The following TTC21A variants were observed in gnomAD, a reference collection of about 807,000 sequenced individuals.
TTC21A encodes tetratricopeptide repeat protein 21A.
Under a neutral mutation model 156.4 loss-of-function variants are expected in TTC21A, and 128 were observed. That is an observed-to-expected ratio of 0.82 (90% CI 0.71 to 0.95). The LOEUF is 0.95. Among genes scored for constraint, TTC21A ranks in the 40% least tolerant of loss-of-function variants. The pLI is 0.00. For synonymous variants in TTC21A, 587 were observed against 617.1 expected (o/e 0.95, Z 0.72); for missense variants, 1,435 against 1,602.3 (o/e 0.90, Z 1.78).
intron 2 of TTC21A, among the ~76,000 whole-genome samples, chr3:39,109,441 C>T (rs2036606847): frequency 6.6e-6 from 1 of 152,194 alleles, no homozygotes; most frequent in Non-Finnish European, 1.5e-5. Context: ...CTCGGGTTCC[C>T]TCTCTGTAAA....
rs372525739 is a variant in TTC21A at position 39,114,677 on chromosome 3, C to A, written c.651C>A (p.Leu217=). 2 of 1,614,194 alleles carry A rather than the reference C, an allele frequency of 1.2e-6. No homozygotes were observed. The highest frequency in any genetic ancestry group is 1.7e-6 in the Non-Finnish European group (2 of 1,180,046). The change falls in exon 6 of 29, where the codon CTC becomes CTA. Residue 217 remains leucine, a synonymous_variant. Transcript: ENST00000683103. ...CTTCAGGGAGCTTCCTGCCAGCCCTCGTCCTGAAGATGCAGCTGTTCTTAG... is the reference window on the plus strand; with the variant it reads ...CTTCAGGGAGCTTCCTGCCAGCCCTAGTCCTGAAGATGCAGCTGTTCTTAG... The part of the protein sequence containing the change: ...TVTSGSFLPA[L]VLKMQLFLAR...
intron 26 of TTC21A, 105 bp downstream of exon 26, chr3:39,137,815 A>G: frequency 8.0e-7 from 1 of 1,248,780 alleles, no homozygotes; most frequent in Non-Finnish European, 1.1e-6. Flanking sequence ...TGGAATAAGA[A>G]CTAGTCGGGA....
intron 11 of TTC21A, among the ~76,000 whole-genome samples, chr3:39,125,743 A>AG (rs1231300962): frequency 1.3e-5 from 2 of 152,292 alleles, no homozygotes; most frequent in South Asian, 2.1e-4. Context: ...CTGACTCTAC[A>AG]GGGGGGTCTA....
intron 5 of TTC21A, among the ~76,000 whole-genome samples, chr3:39,113,374 G>C (rs369829141): frequency 6.6e-6 from 1 of 152,176 alleles, no homozygotes; most frequent in East Asian, 1.9e-4. Flanking sequence ...AAGAGAAGGC[G>C]GGCTGTGAAT....
intron 9 of TTC21A, among the ~76,000 whole-genome samples, chr3:39,123,691 G>C (rs917267515): frequency 6.6e-6 from 1 of 151,758 alleles, no homozygotes; most frequent in Non-Finnish European, 1.5e-5. Context: ...AAAAAAAATA[G>C]AAGCTGCAAA....
At chr3:39,136,295 C>A in intron 22 of TTC21A, 62 bp from the exon 23 acceptor site, 1 of 1,554,240 alleles carries the variant, frequency 6.4e-7, no homozygotes, top group East Asian at 2.2e-5. Context: ...AGGGCCCCAG[C>A]ACCCTCATCT....
Position 39,114,677 on chromosome 3 carries a change from C to G in TTC21A, c.651C>G (p.Leu217=), listed in dbSNP as rs372525739. The change falls in exon 6 of 29, where the codon CTC becomes CTG. Residue 217 remains leucine, a synonymous_variant. Coordinates refer to ENST00000683103, the MANE Select transcript of TTC21A (RefSeq NM_001366900.1). ...TVTSGSFLPA[L]VLKMQLFLAR... is the part of the protein sequence containing the mutation. ...CTTCAGGGAGCTTCCTGCCAGCCCT[C>G]GTCCTGAAGATGCAGCTGTTCTTAG... The G allele has an allele frequency of 7.9e-5, 128 of 1,614,074 alleles. 1 individual carries two copies. The highest frequency in any genetic ancestry group is 3.0e-4 in the Admixed American group (18 of 60,004).
intron 5 of TTC21A, among the ~76,000 whole-genome samples, chr3:39,113,422 T>A (rs554572773): frequency 2.6e-5 from 4 of 152,226 alleles, no homozygotes; most frequent in Non-Finnish European, 4.4e-5. Context: ...TTTGGGGAAC[T>A]CTGGAGCCGG....
At chr3:39,126,976 A>G (rs2038319325) in intron 12 of TTC21A, among the ~76,000 whole-genome samples, 1 of 152,144 alleles carries the variant, frequency 6.6e-6, no homozygotes, top group Non-Finnish European at 1.5e-5. Flanking sequence ...TGAAACAGGG[A>G]AGTGATGCAG....
chr3:39,137,464 C>T, intron 25 of TTC21A, 22 bp from the exon 26 acceptor site: 1 of 1,612,984 alleles, frequency 6.2e-7, no homozygotes, highest in South Asian at 1.1e-5. Context: ...GTGCTGACGT[C>T]CACTTCCTAC....
Position 39,138,388 on chromosome 3 carries a change from G to C in TTC21A, c.3796+1G>C, listed in dbSNP as rs1432493013. ...AGTCATCACGCCAACCCTGCCATTGGTAAGGCAACCAGCCAGGGTGCACGT... is the reference window on the plus strand; with the variant it reads ...AGTCATCACGCCAACCCTGCCATTGCTAAGGCAACCAGCCAGGGTGCACGT... On this transcript the variant is annotated splice_donor_variant, in intron 27 of 28. Transcript: ENST00000683103. LOFTEE classifies it high-confidence loss of function. 4 of 1,614,024 alleles carry C rather than the reference G, an allele frequency of 2.5e-6. No homozygotes were observed. Among genetic ancestry groups the C allele is most frequent in the East Asian group, 2.2e-5 (1 of 44,882 alleles).
rs1259194218 is a variant in TTC21A at position 39,134,757 on chromosome 3, A to G, written c.2863-336A>G. The G allele has an allele frequency of 1.8e-5, 9 of 487,020 alleles. No individual in the cohort carries two copies. In the Admixed American group the frequency reaches 2.3e-4, roughly 12 times the overall value. The allele number at this position is 487,020 out of a possible 1,614,324, so 30.2% of individuals were successfully genotyped here. A position where few individuals can be genotyped will look rare whatever the true frequency, so the allele number is the denominator to read the frequency against. ...AGGAGGGGTCCTCATCCCTACCTCTATTGCCTGGCAGTTCTCAGAATGGGT... is the reference window on the plus strand; with the variant it reads ...AGGAGGGGTCCTCATCCCTACCTCTGTTGCCTGGCAGTTCTCAGAATGGGT... On this transcript the variant is annotated intron_variant, in intron 21 of 28. Coordinates refer to ENST00000683103, the MANE Select transcript of TTC21A (RefSeq NM_001366900.1). This position sits in a 1 kb window ranked among gnomAD's most constrained non-coding sequence, Gnocchi z 4.6.
intron 9 of TTC21A, among the ~76,000 whole-genome samples, chr3:39,123,660 G>A (rs546053282): frequency 6.6e-6 from 1 of 151,782 alleles, no homozygotes; most frequent in Non-Finnish European, 1.5e-5. Context: ...GCAAAGTTTG[G>A]CTTTGTGGCT....
rs1014520316 is a variant in TTC21A, at chr3:39,107,942, C to T, written c.27+78C>T. 9.7e-6 allele frequency: 15 copies of T among 1,545,544 alleles called. No individual in the cohort carries two copies. In the Admixed American group the frequency reaches 1.4e-4, roughly 14 times the overall value. On this transcript the variant is annotated intron_variant, in intron 1 of 28. Transcript: ENST00000683103. ...CCCAGAGACCGTCTGCCCTGCTACT[C>T]TCCTGCCACCCTTCGCTGTCCTCAG...
intron 7 of TTC21A, 79 bp downstream of exon 7, chr3:39,118,232 C>A: frequency 7.0e-7 from 1 of 1,432,556 alleles, no homozygotes; most frequent in Non-Finnish European, 9.8e-7. Context: ...GCACCTGACC[C>A]AAAGCCCTTG....
chr3:39,138,172 T>C (rs1378166330), intron 26 of TTC21A, 95 bp from the exon 27 acceptor site: 1 of 1,579,446 alleles, frequency 6.3e-7, no homozygotes. Flanking sequence ...CTTCTGTCCC[T>C]TGCCTGCTTC....
intron 4 of TTC21A, among the ~76,000 whole-genome samples, chr3:39,112,169 G>A (rs2036889568): frequency 6.6e-6 from 1 of 152,240 alleles, no homozygotes; most frequent in South Asian, 2.1e-4. Context: ...GGGGTACAGG[G>A]AGGGAGGCCT....
intron 19 of TTC21A, chr3:39,132,625 A>T (rs1575553773): frequency 5.0e-6 from 1 of 201,250 alleles, no homozygotes; most frequent in East Asian, 1.7e-4. Flanking sequence ...TTCTCTGCTT[A>T]CTCACCTGAT....
In TTC21A at chr3:39,114,592, ACTT is replaced by A. The variant is rs2037120799; in HGVS notation, c.568_570del (p.Phe190del). The A allele has an allele frequency of 5.0e-6, 8 of 1,614,130 alleles. No individual in the cohort carries two copies. Among genetic ancestry groups the A allele is most frequent in the Non-Finnish European group, 6.8e-6 (8 of 1,180,010 alleles). On this transcript the variant is annotated inframe_deletion, in exon 6 of 29. Transcript: ENST00000683103. ...CTGTCTGGCTCCCAACAGGCAATGT[ACTT>A]CATGATGCAGCAGAACTACTCAGAG...
Sources: allele counts gnomAD v4.1 joint callset (sites outside exome capture counted in the v4.1 genomes callset), GRCh38; gene constraint gnomAD v4.1.1; non-coding constraint Gnocchi (gnomAD v3.1); transcripts MANE v1.5; gene names NCBI Gene and HGNC (gene_info 2026-07-23, HGNC 2026-07-21).